Variants in RBFOX1 observed in about 807,000 individuals in gnomAD.
RBFOX1 encodes RNA binding fox-1 homolog 1.
RBFOX1 carries 8 observed loss-of-function variants against 57.7 expected under a neutral mutation model. That is an observed-to-expected ratio of 0.14 (90% CI 0.08 to 0.25). The LOEUF (loss-of-function observed/expected upper bound fraction) is 0.25, where lower values mean the gene tolerates loss of function less well. Among genes scored for constraint, RBFOX1 ranks in the 10% least tolerant of loss-of-function variants. The pLI is 1.00. For missense variants in RBFOX1, 611 were observed against 548.5 expected, an observed-to-expected ratio of 1.11 and a Z score of -1.14; for synonymous variants, 326 against 222.4, an observed-to-expected ratio of 1.47 and a Z score of -4.15.
intron 4 of RBFOX1, among the ~76,000 whole-genome samples, chr16:7,308,240 A>G (rs961934382): frequency 1.3e-5 from 2 of 151,572 alleles, no homozygotes; most frequent in Admixed American, 6.6e-5. Context: ...AACAGACAGG[A>G]TGGATGATGA....
intron 1 of RBFOX1, among the ~76,000 whole-genome samples, chr16:6,313,885 T>C (rs2152769137): frequency 6.6e-6 from 1 of 152,310 alleles, no homozygotes; most frequent in Non-Finnish European, 1.5e-5. Context: ...TAGGGTTTTC[T>C]TGCTGTCTGG....
intron 3 of RBFOX1, among the ~76,000 whole-genome samples, chr16:5,769,782 A>T (rs2053916324): frequency 6.6e-6 from 1 of 152,184 alleles, no homozygotes; most frequent in African/African-American, 2.4e-5. Context: ...CTGAGGAGGA[A>T]TCAAACCTGT....
At chr16:7,538,044 T>C (rs1203650286) in intron 5 of RBFOX1, among the ~76,000 whole-genome samples, 1 of 151,898 alleles carries the variant, frequency 6.6e-6, no homozygotes, top group East Asian at 1.9e-4. Flanking sequence ...CCGGAAAGAG[T>C]GAGAAATCAA....
chr16:5,590,675 G>A (rs1480367080), intron 2 of RBFOX1, among the ~76,000 whole-genome samples: 1 of 151,806 alleles, frequency 6.6e-6, no homozygotes, highest in South Asian at 2.1e-4. Flanking sequence ...CATGCTTCCA[G>A]CTTTCTGGGC....
At chr16:5,595,563 C>T (rs1198120582) in intron 2 of RBFOX1, among the ~76,000 whole-genome samples, 1 of 152,164 alleles carries the variant, frequency 6.6e-6, no homozygotes, top group Non-Finnish European at 1.5e-5. Flanking sequence ...ATCAGATCTT[C>T]TCTGTACGCC....
At chr16:7,308,995 G>C (rs915107700) in intron 4 of RBFOX1, among the ~76,000 whole-genome samples, 1 of 152,166 alleles carries the variant, frequency 6.6e-6, no homozygotes, top group Non-Finnish European at 1.5e-5. Flanking sequence ...ATAGTGCTAT[G>C]GATTGGGGGT....
chr16:7,266,586 T>A (rs970731231), intron 4 of RBFOX1, among the ~76,000 whole-genome samples: 1 of 152,154 alleles, frequency 6.6e-6, no homozygotes, highest in African/African-American at 2.4e-5. Flanking sequence ...AAGCTCTATC[T>A]CTGAATACCA....
intron 1 of RBFOX1, among the ~76,000 whole-genome samples, chr16:6,233,443 A>G (rs1298465488): frequency 6.6e-6 from 1 of 152,032 alleles, no homozygotes; most frequent in African/African-American, 2.4e-5. Flanking sequence ...CGCAACCCAA[A>G]CAGCCTGATT....
chr16:6,974,279 C>A (rs1319861075), intron 3 of RBFOX1, among the ~76,000 whole-genome samples: 1 of 143,928 alleles, frequency 6.9e-6, no homozygotes, highest in African/African-American at 2.5e-5. Context: ...GAGTTGGTGT[C>A]ATTTTAGTAA....
intron 4 of RBFOX1, among the ~76,000 whole-genome samples, chr16:7,154,493 C>T (rs1235315066): frequency 1.3e-5 from 2 of 152,178 alleles, no homozygotes; most frequent in East Asian, 1.9e-4. Context: ...TGAATCTGCT[C>T]AGTGACAGGA....
chr16:5,660,080 C>A lies in RBFOX1; in HGVS notation c.318+61119C>A, dbSNP rs566067493. On this transcript the variant is annotated intron_variant, in intron 3 of 19. Transcript: ENST00000641259. Reference sequence around the variant, plus strand: ...TTTGTTAGACCAACGGGGTTCAAGGCGCATAAAACAGTTAAAAATCTCTCA... The same window carrying A: ...TTTGTTAGACCAACGGGGTTCAAGGAGCATAAAACAGTTAAAAATCTCTCA... 2.0e-5 allele frequency among the ~76,000 whole-genome samples: 3 copies of A among 152,182 alleles called. No homozygotes were observed. The South Asian group carries it at 6.2e-4, about 32-fold the overall frequency.
intron 3 of RBFOX1, among the ~76,000 whole-genome samples, chr16:6,961,295 C>T (rs1459838819): frequency 6.6e-6 from 1 of 152,222 alleles, no homozygotes; most frequent in East Asian, 1.9e-4. Flanking sequence ...GAGAGCTAAG[C>T]AATGCAGACA....
chr16:5,681,069 G>C (rs2050317145), intron 3 of RBFOX1, among the ~76,000 whole-genome samples: 1 of 151,760 alleles, frequency 6.6e-6, no homozygotes, highest in Non-Finnish European at 1.5e-5. Flanking sequence ...CACCCCATGA[G>C]GTAATATATA....
intron 3 of RBFOX1, among the ~76,000 whole-genome samples, chr16:5,809,997 A>G (rs2055363099): frequency 1.3e-5 from 2 of 152,180 alleles, no homozygotes; most frequent in African/African-American, 4.8e-5. Flanking sequence ...ATGCAGCCAT[A>G]AAAAAGGATG....
intron 4 of RBFOX1, among the ~76,000 whole-genome samples, chr16:7,268,960 C>T (rs1205609007): frequency 6.7e-6 from 1 of 148,174 alleles, no homozygotes; most frequent in South Asian, 2.1e-4. Context: ...CCGCTTGAAC[C>T]CTGAAGGCAG....
chr16:6,785,305 C>T (rs1472187921), intron 3 of RBFOX1, among the ~76,000 whole-genome samples: 2 of 152,056 alleles, frequency 1.3e-5, no homozygotes, highest in Non-Finnish European at 1.5e-5. Flanking sequence ...GGGCCATAAG[C>T]CATCTCATTT....
chr16:6,256,203 G>GTATCTGTATA (rs2097663158), intron 1 of RBFOX1, among the ~76,000 whole-genome samples: 1 of 41,206 alleles, frequency 2.4e-5, no homozygotes, highest in Admixed American at 4.3e-4. Flanking sequence ...ATATGTATAT[G>GTATCTGTATA]TATATGTGTA....
intron 4 of RBFOX1, among the ~76,000 whole-genome samples, chr16:7,148,339 A>G (rs559334867): frequency 6.6e-6 from 1 of 152,314 alleles, no homozygotes; most frequent in African/African-American, 2.4e-5. Flanking sequence ...AAGAAGCCTG[A>G]TTTTAGCATC....
intron 2 of RBFOX1, among the ~76,000 whole-genome samples, chr16:5,519,347 A>T (rs184602419): frequency 2.0e-5 from 3 of 152,128 alleles, no homozygotes; most frequent in African/African-American, 7.2e-5. Flanking sequence ...CTTCTCTGAG[A>T]TGGGGGATCT....
Sources: allele counts gnomAD v4.1 joint callset (sites outside exome capture counted in the v4.1 genomes callset), GRCh38; gene constraint gnomAD v4.1.1; transcripts MANE v1.5; gene names NCBI Gene and HGNC (gene_info 2026-07-23, HGNC 2026-07-21).